HOOK3: variants seen among roughly 807,000 people sequenced by gnomAD.
The protein encoded by HOOK3 is protein Hook homolog 3.
A neutral mutation model predicts 116.3 loss-of-function variants in HOOK3; 24 were observed. The observed-to-expected ratio is 0.21, with a 90% CI of 0.15 to 0.29. The LOEUF (loss-of-function observed/expected upper bound fraction) is 0.29, where lower values mean the gene tolerates loss of function less well. Among genes scored for constraint, HOOK3 ranks in the 10% least tolerant of loss-of-function variants. The pLI is 1.00. For synonymous variants in HOOK3, 275 were observed against 283.0 expected (o/e 0.97, Z 0.28); for missense variants, 632 against 830.2 (o/e 0.76, Z 2.93).
intron 2 of HOOK3, among the ~76,000 whole-genome samples, chr8:42,909,961 G>C (rs1447888742): frequency 6.6e-6 from 1 of 152,198 alleles, no homozygotes; most frequent in Non-Finnish European, 1.5e-5. Flanking sequence ...GGAGATGATA[G>C]TCAGAGGGCA....
At chr8:42,919,530 C>T (rs553755149) in intron 2 of HOOK3, among the ~76,000 whole-genome samples, 1 of 152,218 alleles carries the variant, frequency 6.6e-6, no homozygotes, top group South Asian at 2.1e-4. Flanking sequence ...TCCTCACTTC[C>T]TAGACGGGGT....
chr8:42,959,441 G>A, intron 8 of HOOK3, 127 bp downstream of exon 8: 1 of 611,632 alleles, frequency 1.6e-6, no homozygotes, highest in Non-Finnish European at 2.8e-6. Context: ...AAAAATGGCT[G>A]GGCGCAGTGG....
chr8:42,980,389 T>C (rs1460464905), intron 13 of HOOK3, among the ~76,000 whole-genome samples: 1 of 152,214 alleles, frequency 6.6e-6, no homozygotes, highest in East Asian at 1.9e-4. Flanking sequence ...TGTAAACCTA[T>C]AGGTTTTAAC....
At chr8:43,003,480 AC>A (rs2130475435) in intron 17 of HOOK3, among the ~76,000 whole-genome samples, 1 of 152,296 alleles carries the variant, frequency 6.6e-6, no homozygotes, top group African/African-American at 2.4e-5. Flanking sequence ...AAAATATAAT[AC>A]CTGTCATTTC....
intron 2 of HOOK3, among the ~76,000 whole-genome samples, chr8:42,913,948 A>G (rs1383752545): frequency 1.3e-5 from 2 of 152,174 alleles, no homozygotes; most frequent in Non-Finnish European, 2.9e-5. Context: ...GTGAGCCTAC[A>G]CAGTACATAT....
chr8:42,969,192 C>A lies in HOOK3; in HGVS notation c.1122+978C>A, dbSNP rs183001287. Reference sequence around the variant, plus strand: ...CTACTATATATGTGTGAAGGTTTTACAACTTGATGGACTTTCTGTCTAAGA... The same window carrying A: ...CTACTATATATGTGTGAAGGTTTTAAAACTTGATGGACTTTCTGTCTAAGA... On this transcript the variant is annotated intron_variant, in intron 11 of 21. Transcript: ENST00000307602. 3.6e-4 allele frequency among the ~76,000 whole-genome samples: 55 copies of A among 152,242 alleles called. 1 individual carries two copies. In the East Asian group the frequency reaches 9.8e-3, roughly 27 times the overall value.
At chr8:42,909,776 GAAATTCT>G (rs1807386697) in intron 2 of HOOK3, among the ~76,000 whole-genome samples, 2 of 152,152 alleles carry the variant, frequency 1.3e-5, no homozygotes, top group African/African-American at 4.8e-5. Flanking sequence ...CCCAAAGAAG[GAAATTCT>G]GTCATTTTCA....
At chr8:42,937,697 G>T (rs996989386) in intron 4 of HOOK3, among the ~76,000 whole-genome samples, 3 of 152,154 alleles carry the variant, frequency 2.0e-5, no homozygotes, top group Admixed American at 6.5e-5. Flanking sequence ...TAGTTGTGCG[G>T]TTTTGAATGA....
chr8:42,941,292 G>A (rs1283497361), intron 4 of HOOK3, among the ~76,000 whole-genome samples: 1 of 148,996 alleles, frequency 6.7e-6, no homozygotes, highest in African/African-American at 2.4e-5. Flanking sequence ...GAGGCGGGCG[G>A]ATCACGAGGT....
At chr8:42,970,592 T>C (rs1808708053) in intron 11 of HOOK3, among the ~76,000 whole-genome samples, 1 of 152,136 alleles carries the variant, frequency 6.6e-6, no homozygotes, top group Non-Finnish European at 1.5e-5. Context: ...TTGGGTACTT[T>C]TGTGTTTGGG....
intron 13 of HOOK3, among the ~76,000 whole-genome samples, chr8:42,975,451 C>T (rs965732304): frequency 6.6e-6 from 1 of 151,964 alleles, no homozygotes; most frequent in Non-Finnish European, 1.5e-5. Flanking sequence ...CAACGTGGTA[C>T]AAGATGATAG....
At chr8:43,008,974 G>A (rs1203292420) in intron 18 of HOOK3, among the ~76,000 whole-genome samples, 3 of 151,634 alleles carry the variant, frequency 2.0e-5, no homozygotes, top group African/African-American at 7.3e-5. Context: ...TTTTATTTAA[G>A]AAATAGGCTC....
chr8:42,904,340 C>G (rs1037146414), intron 1 of HOOK3, among the ~76,000 whole-genome samples: 3 of 141,440 alleles, frequency 2.1e-5, no homozygotes, highest in African/African-American at 7.9e-5. Context: ...GACGGAGTCT[C>G]GCTCTGTCGC....
intron 2 of HOOK3, among the ~76,000 whole-genome samples, chr8:42,910,416 A>G (rs749119693): frequency 1.2e-4 from 18 of 152,128 alleles, no homozygotes; most frequent in Admixed American, 2.6e-4. Context: ...AAAGAGTGAT[A>G]ATTTTGCATA....
chr8:42,928,888 A>G (rs1426494022), intron 3 of HOOK3, among the ~76,000 whole-genome samples: 5 of 151,698 alleles, frequency 3.3e-5, no homozygotes, highest in African/African-American at 7.3e-5. Context: ...CTAAAAATAC[A>G]AAAATTAGCC....
chr8:42,991,109 G>C (rs1481826197), intron 15 of HOOK3, among the ~76,000 whole-genome samples: 2 of 152,156 alleles, frequency 1.3e-5, no homozygotes, highest in African/African-American at 4.8e-5. Context: ...TAGGTGTATA[G>C]ATTTATCTCT....
At chr8:42,968,609 C>T (rs1262956837) in intron 11 of HOOK3, among the ~76,000 whole-genome samples, 3 of 152,158 alleles carry the variant, frequency 2.0e-5, no homozygotes, top group Admixed American at 6.5e-5. Context: ...GGATTACAAG[C>T]GTGAGCCACT....
intron 2 of HOOK3, among the ~76,000 whole-genome samples, chr8:42,908,754 G>A (rs62515913): frequency 0.047 from 7,192 of 152,142 alleles, 228 homozygotes; most frequent in South Asian, 0.081. Context: ...TTGGTCTGGG[G>A]GATGATTTTT....
intron 1 of HOOK3, among the ~76,000 whole-genome samples, chr8:42,902,854 T>C (rs1247394930): frequency 1.3e-5 from 2 of 152,206 alleles, no homozygotes; most frequent in Non-Finnish European, 2.9e-5. Flanking sequence ...GTATCAGGCA[T>C]TGTGCTGAGG....
Sources: allele counts gnomAD v4.1 joint callset (sites outside exome capture counted in the v4.1 genomes callset), GRCh38; gene constraint gnomAD v4.1.1; transcripts MANE v1.5; gene names NCBI Gene and HGNC (gene_info 2026-07-23, HGNC 2026-07-21).